DMBT1: variants seen among roughly 807,000 people sequenced by gnomAD.
DMBT1 encodes the protein scavenger receptor cysteine-rich domain-containing protein DMBT1.
A neutral mutation model predicts 252.9 loss-of-function variants in DMBT1; 198 were observed. The ratio of observed to expected loss-of-function variants is 0.78; its 90% confidence interval spans 0.70 to 0.88. The LOEUF (loss-of-function observed/expected upper bound fraction) is 0.88, where lower values mean the gene tolerates loss of function less well. Ranked by LOEUF, DMBT1 falls within the 40% of genes least tolerant of loss-of-function variation. The probability of loss-of-function intolerance (pLI) is 0.00; values close to 1 mark genes in which losing one functional copy is unlikely to be tolerated. For synonymous variants in DMBT1, 990 were observed against 942.7 expected (o/e 1.05, Z -0.92); for missense variants, 2,432 against 2,404.7 (o/e 1.01, Z -0.24).
At chr10:122,627,883 C>G (rs2098129516) in intron 46 of DMBT1, among the ~76,000 whole-genome samples, 1 of 152,118 alleles carries the variant, frequency 6.6e-6, no homozygotes, top group South Asian at 2.1e-4. Context: ...GAGCAAAAGA[C>G]CTGAAAGATA....
intron 14 of DMBT1, 108 bp from the exon 15 acceptor site, chr10:122,585,163 T>A: frequency 7.2e-7 from 1 of 1,394,612 alleles, no homozygotes; most frequent in Middle Eastern, 1.8e-4. Context: ...GTGGCAGGAA[T>A]CAGAAGTGGG....
At chr10:122,618,498 C>T (rs529782610) in intron 41 of DMBT1, among the ~76,000 whole-genome samples, 158 bp downstream of exon 41, 2 of 152,342 alleles carry the variant, frequency 1.3e-5, no homozygotes, top group East Asian at 3.9e-4. Context: ...ATGAATTTTG[C>T]TACAGTACCT....
In DMBT1 at chr10:122,640,310, G is replaced by A. The variant is rs781407212; in HGVS notation, c.7213G>A (p.Val2405Met). 16 of 1,613,984 alleles carry A rather than the reference G, an allele frequency of 9.9e-6. No homozygotes were observed. Among genetic ancestry groups the A allele is most frequent in the South Asian group, 3.3e-5 (3 of 91,086 alleles). Residue 2405 changes from valine (V) to methionine (M), a missense_variant, in exon 55 of 56, where the codon GTG becomes ATG. Val to Met is a conservative substitution (Grantham distance 21, BLOSUM62 1). Coordinates refer to ENST00000338354, the MANE Select transcript of DMBT1 (RefSeq NM_001377530.1). ...LYPVTSRPYY[V>M]DLNQDLYVQA... is the part of the protein sequence containing the mutation. ...TCCTGTGACCAGCCGCCCTTACTAC[G>A]TGGACCTGAACCAGGACTTGTACGT...
chr10:122,633,102 T>G, intron 51 of DMBT1, 89 bp from the exon 52 acceptor site: 6 of 1,523,870 alleles, frequency 3.9e-6, no homozygotes, highest in South Asian at 1.3e-5. Context: ...TTATAAAATT[T>G]TAAAGTAATT....
intron 49 of DMBT1, 102 bp from the exon 50 acceptor site, chr10:122,631,753 G>C: frequency 7.5e-7 from 1 of 1,334,082 alleles, no homozygotes; most frequent in South Asian, 1.2e-5. Context: ...CTCGCCGAGG[G>C]GGGTCAGGTT....
At chr10:122,639,753 A>T (rs1056712755) in intron 54 of DMBT1, among the ~76,000 whole-genome samples, 1 of 152,196 alleles carries the variant, frequency 6.6e-6, no homozygotes, top group Non-Finnish European at 1.5e-5. Flanking sequence ...GCAAAAACAA[A>T]TTTTTAAGAC....
At chr10:122,617,436 G>T (rs1321688031) in intron 40 of DMBT1, among the ~76,000 whole-genome samples, 176 bp downstream of exon 40, 1 of 151,434 alleles carries the variant, frequency 6.6e-6, no homozygotes, top group Non-Finnish European at 1.5e-5. Flanking sequence ...TGAGGATGGA[G>T]GGTGCTGGTG....
At chr10:122,625,399 G>A in intron 45 of DMBT1, 96 bp downstream of exon 45, 2 of 1,197,206 alleles carry the variant, frequency 1.7e-6, no homozygotes, top group South Asian at 1.3e-5. Flanking sequence ...ACTCCCCCTG[G>A]GGGGGTAATT....
At chr10:122,580,455 A>G (rs2097758322) in intron 10 of DMBT1, among the ~76,000 whole-genome samples, 1 of 152,274 alleles carries the variant, frequency 6.6e-6, no homozygotes, top group East Asian at 1.9e-4. Context: ...CCTGTGTTCT[A>G]GGTCTGGTGA....
rs1382921053 is a variant in DMBT1 at position 122,578,754 on chromosome 10, C to T, written c.674C>T (p.Thr225Ile). 1 of 1,607,960 alleles carries T rather than the reference C, an allele frequency of 6.2e-7. No individual in the cohort carries two copies. The highest frequency in any genetic ancestry group is 8.5e-7 in the Non-Finnish European group (1 of 1,176,824). The change falls in exon 9 of 56, where the codon ACA (threonine) becomes ATA (isoleucine). Residue 225 changes from threonine (T) to isoleucine (I), a missense_variant. Around this residue, in one of 3 missense-constraint regions of DMBT1, gnomAD observed 1,264 missense variants for 1,082.2 expected, o/e 1.17. Coordinates refer to ENST00000338354, the MANE Select transcript of DMBT1 (RefSeq NM_001377530.1). ...WPVRISPPVP[T>I]EGSESSLALR... ...GTCAGGATATCACCACCTGTACCCA[C>T]AGAAGGTAAAGAATCCTCTCAACAC...
At chr10:122,641,551 C>G (rs1844533963) in intron 55 of DMBT1, among the ~76,000 whole-genome samples, 1 of 152,172 alleles carries the variant, frequency 6.6e-6, no homozygotes, top group South Asian at 2.1e-4. Context: ...GTCTATGCAG[C>G]TTGCTCAATT....
intron 7 of DMBT1, 89 bp from the exon 8 acceptor site, chr10:122,577,722 G>T: frequency 6.7e-7 from 1 of 1,483,522 alleles, no homozygotes; most frequent in Non-Finnish European, 9.3e-7. Flanking sequence ...CATCAGCTCA[G>T]GGTGTAGATA....
At chr10:122,561,220 T>C (rs772175616) in intron 1 of DMBT1, among the ~76,000 whole-genome samples, 2 of 152,230 alleles carry the variant, frequency 1.3e-5, no homozygotes, top group Non-Finnish European at 2.9e-5. Context: ...GCAGAAAGGA[T>C]TCCCACTGCA....
intron 44 of DMBT1, among the ~76,000 whole-genome samples, chr10:122,624,593 G>A (rs1364144176): frequency 1.3e-5 from 2 of 152,302 alleles, no homozygotes; most frequent in South Asian, 2.1e-4. Context: ...TCAGGGCCAG[G>A]TGGAGGTCCT....
intron 20 of DMBT1, among the ~76,000 whole-genome samples, chr10:122,592,957 C>T (rs187769512): frequency 6.7e-6 from 1 of 148,710 alleles, no homozygotes. Context: ...GGGGAGGAAT[C>T]CTCTCACTGA....
intron 20 of DMBT1, 96 bp downstream of exon 20, chr10:122,592,691 T>C: frequency 6.5e-7 from 1 of 1,545,130 alleles, no homozygotes; most frequent in Non-Finnish European, 8.8e-7. Flanking sequence ...CAAAGATTCT[T>C]CTATGTTTCC....
intron 6 of DMBT1, among the ~76,000 whole-genome samples, chr10:122,573,965 CGCGTCTCCAAG>C (rs1191969960): frequency 6.6e-6 from 1 of 152,146 alleles, no homozygotes; most frequent in Non-Finnish European, 1.5e-5. Context: ...AACTTGAAGA[CGCGTCTCCAAG>C]GAGTTCTCAG....
chr10:122,571,108 C>T (rs913625102), intron 4 of DMBT1, among the ~76,000 whole-genome samples, 171 bp downstream of exon 4: 4 of 152,268 alleles, frequency 2.6e-5, no homozygotes, highest in Admixed American at 2.0e-4. Context: ...GAGTCAATAT[C>T]ACCACACATG....
chr10:122,591,517 G>C lies in DMBT1; in HGVS notation c.2176G>C (p.Gly726Arg), dbSNP rs990396437. ...STITLPPSTVGSESSLTLRLV... is the reference protein window; with the variant it reads ...STITLPPSTVRSESSLTLRLV... ...CATCACGTTACCTCCATCGACAGTA[G>C]GTAAATAATCCTCTCACCCCTCCCT... The change falls in exon 19 of 56, where the codon GGA becomes CGA. Residue 726 changes from glycine to arginine, a missense_variant and splice_region_variant. By Grantham distance (125) the Gly-to-Arg change is moderately radical. This residue lies in a region of DMBT1 where 1,264 missense variants were observed against 1,082.2 expected (regional missense o/e 1.17). Transcript: ENST00000338354. 3 of 1,585,680 alleles carry C rather than the reference G, an allele frequency of 1.9e-6. No individual in the cohort carries two copies. The highest frequency in any genetic ancestry group is 1.7e-6 in the Non-Finnish European group (2 of 1,163,642).
Sources: gnomAD v4.1 joint callset for allele counts (sites outside exome capture counted in the v4.1 genomes callset) on GRCh38, gnomAD v4.1.1 for gene constraint, gnomAD v4.1.1 regional missense constraint, MANE v1.5 for transcripts, NCBI Gene and HGNC (gene_info 2026-07-23, HGNC 2026-07-21) for gene names.